The following ERICH5 variants were observed in gnomAD, a reference collection of about 807,000 sequenced individuals.
The protein encoded by ERICH5 is glutamate rich 5, also known as glutamate-rich protein 5.
ERICH5 carries 24 observed loss-of-function variants against 28.0 expected under a neutral mutation model. That is an observed-to-expected ratio of 0.86 (90% CI 0.62 to 1.21). The LOEUF is 1.21. Among genes scored for constraint, ERICH5 ranks in the 50% most tolerant of loss-of-function variants. The pLI is 0.00. For synonymous variants in ERICH5, 163 were observed against 157.6 expected (o/e 1.03, Z -0.25); for missense variants, 421 against 441.2 (o/e 0.95, Z 0.41).
intron 1 of ERICH5, among the ~76,000 whole-genome samples, chr8:98,073,444 A>C (rs1409348328): frequency 0.2 from 3,285 of 16,250 alleles, 727 homozygotes; most frequent in East Asian, 0.43. Flanking sequence ...ATATATATAT[A>C]TATATATATA....
chr8:98,089,278 C>T lies in ERICH5; in HGVS notation c.261C>T (p.Asp87=), dbSNP rs75880822. ...KPLQEQPLAK[D]VAPGRDATDQ... The stretch of plus-strand genomic sequence containing the variant: ...TCCAAGAACAGCCCCTGGCCAAGGA[C>T]GTAGCCCCTGGAAGGGATGCCACAG... The change falls in exon 2 of 3, where the codon GAC becomes GAT. Residue 87 remains aspartate, a synonymous_variant. Transcript: ENST00000318528. 3.5e-5 allele frequency: 57 copies of T among 1,614,198 alleles called. No homozygotes were observed. In the African/African-American group the frequency reaches 6.3e-4, roughly 18 times the overall value.
intron 1 of ERICH5, among the ~76,000 whole-genome samples, chr8:98,080,095 G>A (rs1446348727): frequency 6.6e-6 from 1 of 152,222 alleles, no homozygotes; most frequent in African/African-American, 2.4e-5. Flanking sequence ...GATGCACCAA[G>A]GCTGCATGCA....
intron 2 of ERICH5, among the ~76,000 whole-genome samples, chr8:98,091,836 T>TTTTCTTTCTTTTTCTTTC (rs1815390456): frequency 3.7e-5 from 4 of 107,226 alleles, no homozygotes; most frequent in African/African-American, 1.5e-4. Context: ...TTCTTTTTCT[T>TTTTCTTTCTTTTTCTTTC]TTTCTTTCTT....
At chr8:98,077,561 A>G (rs998472108) in intron 1 of ERICH5, among the ~76,000 whole-genome samples, 3 of 152,226 alleles carry the variant, frequency 2.0e-5, no homozygotes, top group African/African-American at 7.2e-5. Flanking sequence ...TTGGAAAAGT[A>G]TATCTGAAGG....
chr8:98,087,550 C>T (rs1377271997), intron 1 of ERICH5, among the ~76,000 whole-genome samples: 3 of 152,092 alleles, frequency 2.0e-5, no homozygotes, highest in Non-Finnish European at 4.4e-5. Context: ...CCCACTTTAA[C>T]TTTTGACTTA....
Position 98,064,617 on chromosome 8 carries a change from G to C in ERICH5, c.-53G>C. 1 of 1,442,316 alleles carries C rather than the reference G, an allele frequency of 6.9e-7. No individual in the cohort carries two copies. The highest frequency in any genetic ancestry group is 9.2e-7 in the Non-Finnish European group (1 of 1,081,796). 89.3% of individuals were successfully genotyped at this position (1,442,316 alleles called of 1,614,324 possible). Reference sequence around the variant, plus strand: ...ACGGGTGCAGTTGCCTTCGGTTCCCGGTTCCGGGCCGACACCCGCGCAGGG... The same window carrying C: ...ACGGGTGCAGTTGCCTTCGGTTCCCCGTTCCGGGCCGACACCCGCGCAGGG... On this transcript the variant is annotated 5_prime_UTR_variant, in exon 1 of 3. Transcript: ENST00000318528.
At chr8:98,068,905 C>T (rs181557994) in intron 1 of ERICH5, among the ~76,000 whole-genome samples, 15 of 152,314 alleles carry the variant, frequency 9.8e-5, no homozygotes, top group East Asian at 3.9e-4. Flanking sequence ...GCTGTCCATG[C>T]GGCCTAGGCA....
chr8:98,089,195 C>G lies in ERICH5; in HGVS notation c.178C>G (p.Pro60Ala), dbSNP rs751216007. The change falls in exon 2 of 3, where the codon CCT (proline) becomes GCT (alanine). Residue 60 changes from proline (P) to alanine (A), a missense_variant. Coordinates refer to ENST00000318528, the MANE Select transcript of ERICH5 (RefSeq NM_173549.3). Reference protein sequence around the residue: ...VDGNVQRESRPPLQKLKVSAE... With the variant: ...VDGNVQRESRAPLQKLKVSAE... ...TGGCAATGTACAAAGGGAAAGCCGT[C>G]CTCCCTTACAAAAGCTCAAGGTTTC... 3.1e-6 allele frequency: 5 copies of G among 1,614,184 alleles called. No homozygotes were observed. Among genetic ancestry groups the G allele is most frequent in the Non-Finnish European group, 4.2e-6 (5 of 1,180,008 alleles).
intron 1 of ERICH5, among the ~76,000 whole-genome samples, chr8:98,084,621 T>G (rs1217333759): frequency 6.6e-6 from 1 of 152,102 alleles, no homozygotes; most frequent in African/African-American, 2.4e-5. Context: ...CCTCAGGTGA[T>G]CCACCCGTCT....
In ERICH5 at chr8:98,089,286, C is replaced by T. The variant is rs755599013; in HGVS notation, c.269C>T (p.Pro90Leu). The stretch of plus-strand genomic sequence containing the variant: ...CAGCCCCTGGCCAAGGACGTAGCCC[C>T]TGGAAGGGATGCCACAGACCAATCA... ...QEQPLAKDVAPGRDATDQSGS... is the reference protein window; with the variant it reads ...QEQPLAKDVALGRDATDQSGS... The change falls in exon 2 of 3, where the codon CCT (proline) becomes CTT (leucine). Residue 90 changes from proline to leucine, a missense_variant. By Grantham distance (98) the Pro-to-Leu change is moderately conservative. Coordinates refer to ENST00000318528, the MANE Select transcript of ERICH5 (RefSeq NM_173549.3). 1.2e-6 allele frequency: 2 copies of T among 1,614,204 alleles called. No homozygotes were observed. Among genetic ancestry groups the T allele is most frequent in the Non-Finnish European group, 1.7e-6 (2 of 1,180,026 alleles).
chr8:98,079,264 G>A (rs1186565794), intron 1 of ERICH5, among the ~76,000 whole-genome samples: 2 of 148,412 alleles, frequency 1.3e-5, no homozygotes, highest in East Asian at 2.0e-4. Flanking sequence ...TTGACCTCTG[G>A]GGCTTAAGCA....
intron 1 of ERICH5, among the ~76,000 whole-genome samples, chr8:98,070,120 T>C (rs940806194): frequency 2.0e-5 from 3 of 152,136 alleles, no homozygotes; most frequent in African/African-American, 7.2e-5. Context: ...CTGGGGCACA[T>C]GGCTAATGTG....
At position 98,089,230 on chromosome 8, in the gene ERICH5, T is replaced by C; in HGVS notation, c.213T>C (p.Pro71=). The C allele has an allele frequency of 6.2e-7, 1 of 1,614,218 alleles. No homozygotes were observed. Among genetic ancestry groups the C allele is most frequent in the Non-Finnish European group, 8.5e-7 (1 of 1,180,044 alleles). Residue 71 remains proline (P), a synonymous_variant, in exon 2 of 3, where the codon CCT becomes CCC. Coordinates refer to ENST00000318528, the MANE Select transcript of ERICH5 (RefSeq NM_173549.3). Reference sequence around the variant, plus strand: ...AAAAGCTCAAGGTTTCAGCAGAGCCTACAGCTAATGGTGTTAAACCCCTCC... The same window carrying C: ...AAAAGCTCAAGGTTTCAGCAGAGCCCACAGCTAATGGTGTTAAACCCCTCC... ...PLQKLKVSAE[P]TANGVKPLQE...
chr8:98,080,863 C>A (rs1306848696), intron 1 of ERICH5, among the ~76,000 whole-genome samples: 1 of 151,688 alleles, frequency 6.6e-6, no homozygotes, highest in Non-Finnish European at 1.5e-5. Flanking sequence ...CCACCATGGC[C>A]AGCTAATTTT....
chr8:98,070,592 G>A (rs540462410), intron 1 of ERICH5, among the ~76,000 whole-genome samples: 47 of 132,454 alleles, frequency 3.5e-4, no homozygotes, highest in Admixed American at 8.7e-4. Flanking sequence ...CAGGAGAATC[G>A]CTTGAACCAG....
At chr8:98,080,105 A>T (rs1046825123) in intron 1 of ERICH5, among the ~76,000 whole-genome samples, 3 of 152,234 alleles carry the variant, frequency 2.0e-5, no homozygotes, top group Non-Finnish European at 4.4e-5. Context: ...GGCTGCATGC[A>T]GTTCTGCCCC....
chr8:98,069,849 A>G (rs552672431), intron 1 of ERICH5, among the ~76,000 whole-genome samples: 1 of 152,366 alleles, frequency 6.6e-6, no homozygotes, highest in East Asian at 1.9e-4. Flanking sequence ...ATCTTTTTCT[A>G]AAACAGAAAA....
rs372150799 is a variant in ERICH5 at position 98,073,403 on chromosome 8, CCTCTCT to C, written c.58+8701_58+8706del. 1.7e-3 allele frequency among the ~76,000 whole-genome samples: 46 copies of C among 26,834 alleles called. 3 individuals are homozygous for C. The highest frequency in any genetic ancestry group is 6.4e-3 in the East Asian group (2 of 314). 17.6% of individuals were successfully genotyped at this position (26,834 alleles called of 152,430 possible). On this transcript the variant is annotated intron_variant, in intron 1 of 2. Coordinates refer to ENST00000318528, the MANE Select transcript of ERICH5 (RefSeq NM_173549.3). ...ACCAGCCTAACCAACATAGTGAGACCCTCTCTCTCTCTCTCTCTCTCTCTCTCTCTA... is the reference window on the plus strand; with the variant it reads ...ACCAGCCTAACCAACATAGTGAGACCCTCTCTCTCTCTCTCTCTCTCTCTA...
rs775676734 is a variant in ERICH5, at chr8:98,089,058, T to C, written c.59-18T>C. The C allele has an allele frequency of 6.4e-7, 1 of 1,552,254 alleles. No individual in the cohort carries two copies. The highest frequency in any genetic ancestry group is 8.7e-7 in the Non-Finnish European group (1 of 1,146,642). On this transcript the variant is annotated intron_variant, in intron 1 of 2. Coordinates refer to ENST00000318528, the MANE Select transcript of ERICH5 (RefSeq NM_173549.3). ...GTGTTTTCTCTTTTCTTTTTCTTTT[T>C]CAAATGAATAACCAAAGTAACTTCA...
Sources: gnomAD v4.1 joint callset for allele counts (sites outside exome capture counted in the v4.1 genomes callset) on GRCh38, gnomAD v4.1.1 for gene constraint, MANE v1.5 for transcripts, NCBI Gene and HGNC (gene_info 2026-07-23, HGNC 2026-07-21) for gene names.